Variants in H2AC11 observed in about 807,000 individuals in gnomAD.
The protein encoded by H2AC11 is H2A clustered histone 11.
Under a neutral mutation model 5.9 loss-of-function variants are expected in H2AC11, and 8 were observed. The ratio of observed to expected loss-of-function variants is 1.35; its 90% CI spans 0.79 to 2.44. The LOEUF (loss-of-function observed/expected upper bound fraction) is 2.44. Ranked by LOEUF, H2AC11 falls within the 30% of genes most tolerant of loss-of-function variation. The pLI, the probability that H2AC11 is intolerant of heterozygous loss-of-function variation, is 0.00. For missense variants in H2AC11, 189 were observed against 178.6 expected (o/e 1.06, Z -0.33); for synonymous variants, 161 against 81.9 (o/e 1.96, Z -5.21).
Position 27,133,162 on chromosome 6 carries a change from G to C in H2AC11, c.91G>C (p.Val31Leu), listed in dbSNP as rs1759878745. The change falls in exon 1 of 1, where the codon GTG becomes CTG. Residue 31 changes from valine to leucine, a missense_variant. By Grantham distance (32) the Val-to-Leu change is conservative. Transcript: ENST00000359193. ...RAGLQFPVGR[V>L]HRLLRKGNYA... ...CGGTCTCCAGTTCCCCGTGGGCCGA[G>C]TGCACCGCCTGCTCCGCAAAGGCAA... 1 of 1,614,082 alleles carries C rather than the reference G, an allele frequency of 6.2e-7. No homozygotes were observed.
At position 27,133,199 on chromosome 6, in the gene H2AC11, G is replaced by T; in HGVS notation, c.128G>T (p.Arg43Leu). Residue 43 changes from arginine to leucine, a missense_variant, in exon 1 of 1, where the codon CGG (arginine) becomes CTG (leucine). Coordinates refer to ENST00000359193, the MANE Select transcript of H2AC11 (RefSeq NM_021064.5). ...RLLRKGNYAE[R>L]VGAGAPVYLA... ...CTCCGCAAAGGCAACTATGCCGAGC[G>T]GGTCGGGGCCGGCGCGCCGGTGTAT... The T allele has an allele frequency of 6.2e-7, 1 of 1,614,046 alleles. No homozygotes were observed. The highest frequency in any genetic ancestry group is 8.5e-7 in the Non-Finnish European group (1 of 1,179,984).
rs750708445 is a variant in H2AC11, at chr6:27,133,389, C to G, written c.318C>G (p.Gly106=). ...TGGGCAAAGTCACCATCGCACAGGG[C>G]GGTGTCCTGCCCAACATTCAGGCCG... ...KLLGKVTIAQ[G]GVLPNIQAVL... The change falls in exon 1 of 1, where the codon GGC becomes GGG. Residue 106 remains glycine (G), a synonymous_variant. Transcript: ENST00000359193. 1 of 1,614,100 alleles carries G rather than the reference C, an allele frequency of 6.2e-7. No homozygotes were observed. Among genetic ancestry groups the G allele is most frequent in the Non-Finnish European group, 8.5e-7 (1 of 1,180,048 alleles).
rs746158543 is a variant in H2AC11 at position 27,133,482 on chromosome 6, T to C, written c.*18T>C. On this transcript the variant is annotated 3_prime_UTR_variant, in exon 1 of 1. Coordinates refer to ENST00000359193, the MANE Select transcript of H2AC11 (RefSeq NM_021064.5). ...GCAAGTAACTATCTGTACTAGTTTG[T>C]GGCAGCTCAAGTAAAATCGAGTCCA... 6 of 1,603,372 alleles carry C rather than the reference T, an allele frequency of 3.7e-6. No individual in the cohort carries two copies. The highest frequency in any genetic ancestry group is 5.1e-6 in the Non-Finnish European group (6 of 1,172,426).
At position 27,133,474 on chromosome 6, in the gene H2AC11, C is replaced by G. The variant is rs145653853; in HGVS notation, c.*10C>G. On this transcript the variant is annotated 3_prime_UTR_variant, in exon 1 of 1. Coordinates refer to ENST00000359193, the MANE Select transcript of H2AC11 (RefSeq NM_021064.5). ...GGCGAAGGGCAAGTAACTATCTGTA[C>G]TAGTTTGTGGCAGCTCAAGTAAAAT... 131 of 1,608,776 alleles carry G rather than the reference C, an allele frequency of 8.1e-5. No homozygotes were observed. In the South Asian group the frequency reaches 1.2e-3, roughly 15 times the overall value.
In H2AC11 at chr6:27,133,049, G is replaced by A. The variant is rs752434661; in HGVS notation, c.-23G>A. On this transcript the variant is annotated 5_prime_UTR_variant, in exon 1 of 1. Coordinates refer to ENST00000359193, the MANE Select transcript of H2AC11 (RefSeq NM_021064.5). ...CGCCTTTCCCGTTCACTTTGTGGTT[G>A]CTCGTAGTGAGTTGCGCTCGCTATG... The A allele has an allele frequency of 3.2e-6, 5 of 1,585,996 alleles. No individual in the cohort carries two copies. Among genetic ancestry groups the A allele is most frequent in the African/African-American group, 1.4e-5 (1 of 73,910 alleles).
Position 27,133,154 on chromosome 6 carries a change from T to C in H2AC11, c.83T>C (p.Val28Ala). The C allele has an allele frequency of 6.2e-7, 1 of 1,614,044 alleles. No individual in the cohort carries two copies. The change falls in exon 1 of 1, where the codon GTG (valine) becomes GCG (alanine). Residue 28 changes from valine (V) to alanine (A), a missense_variant. Transcript: ENST00000359193. ...RSSRAGLQFPVGRVHRLLRKG... is the reference protein window; with the variant it reads ...RSSRAGLQFPAGRVHRLLRKG... ...TCTAGGGCCGGTCTCCAGTTCCCCG[T>C]GGGCCGAGTGCACCGCCTGCTCCGC...
rs752222802 is a variant in H2AC11, at chr6:27,133,505, C to G, written c.*41C>G. ...TGTGGCAGCTCAAGTAAAATCGAGT[C>G]CAAACCAACGGCTCTTTTCAGGGCC... On this transcript the variant is annotated 3_prime_UTR_variant, in exon 1 of 1. Transcript: ENST00000359193. The G allele has an allele frequency of 1.3e-6, 2 of 1,591,244 alleles. No homozygotes were observed. The highest frequency in any genetic ancestry group is 1.1e-5 in the South Asian group (1 of 88,844).
chr6:27,133,170 C>G lies in H2AC11; in HGVS notation c.99C>G (p.Arg33=), dbSNP rs781303740. The change falls in exon 1 of 1, where the codon CGC becomes CGG. Residue 33 remains arginine (R), a synonymous_variant. Transcript: ENST00000359193. ...AGTTCCCCGTGGGCCGAGTGCACCG[C>G]CTGCTCCGCAAAGGCAACTATGCCG... ...GLQFPVGRVH[R]LLRKGNYAER... The G allele has an allele frequency of 6.2e-7, 1 of 1,613,974 alleles. No individual in the cohort carries two copies. Among genetic ancestry groups the G allele is most frequent in the Non-Finnish European group, 8.5e-7 (1 of 1,180,012 alleles).
In H2AC11 at chr6:27,133,504, T is replaced by A; in HGVS notation, c.*40T>A. 6.3e-7 allele frequency: 1 copy of A among 1,591,670 alleles called. No individual in the cohort carries two copies. Among genetic ancestry groups the A allele is most frequent in the Non-Finnish European group, 8.6e-7 (1 of 1,166,146 alleles). ...TTGTGGCAGCTCAAGTAAAATCGAG[T>A]CCAAACCAACGGCTCTTTTCAGGGC... On this transcript the variant is annotated 3_prime_UTR_variant, in exon 1 of 1. Coordinates refer to ENST00000359193, the MANE Select transcript of H2AC11 (RefSeq NM_021064.5).
rs373341474 is a variant in H2AC11 at position 27,133,103 on chromosome 6, C to T, written c.32C>T (p.Ala11Val). The change falls in exon 1 of 1, where the codon GCC becomes GTC. Residue 11 changes from alanine (A) to valine (V), a missense_variant. Transcript: ENST00000359193. MSGRGKQGGK[A>V]RAKAKTRSSR... ...GGACGTGGCAAGCAGGGAGGCAAAG[C>T]CCGCGCTAAGGCCAAGACTCGCTCT... The T allele has an allele frequency of 5.6e-6, 9 of 1,613,208 alleles. No individual in the cohort carries two copies. Among genetic ancestry groups the T allele is most frequent in the South Asian group, 2.2e-5 (2 of 91,008 alleles).
In H2AC11 at chr6:27,133,202, T is replaced by A; in HGVS notation, c.131T>A (p.Val44Asp). The A allele has an allele frequency of 6.2e-7, 1 of 1,613,284 alleles. No homozygotes were observed. Among genetic ancestry groups the A allele is most frequent in the Non-Finnish European group, 8.5e-7 (1 of 1,179,824 alleles). The change falls in exon 1 of 1, where the codon GTC becomes GAC. Residue 44 changes from valine (V) to aspartate (D), a missense_variant. Physicochemically the swap from Val to Asp is radical, Grantham distance 152. Coordinates refer to ENST00000359193, the MANE Select transcript of H2AC11 (RefSeq NM_021064.5). ...CGCAAAGGCAACTATGCCGAGCGGGTCGGGGCCGGCGCGCCGGTGTATCTG... is the reference window on the plus strand; with the variant it reads ...CGCAAAGGCAACTATGCCGAGCGGGACGGGGCCGGCGCGCCGGTGTATCTG... ...LLRKGNYAERVGAGAPVYLAA... is the reference protein window; with the variant it reads ...LLRKGNYAERDGAGAPVYLAA...
rs767488773 is a variant in H2AC11 at position 27,133,102 on chromosome 6, G to A, written c.31G>A (p.Ala11Thr). The stretch of plus-strand genomic sequence containing the variant: ...TGGACGTGGCAAGCAGGGAGGCAAA[G>A]CCCGCGCTAAGGCCAAGACTCGCTC... MSGRGKQGGK[A>T]RAKAKTRSSR... Residue 11 changes from alanine to threonine, a missense_variant, in exon 1 of 1, where the codon GCC becomes ACC. Physicochemically the swap from Ala to Thr is moderately conservative, Grantham distance 58. Transcript: ENST00000359193. The A allele has an allele frequency of 1.6e-5, 26 of 1,613,306 alleles. No individual in the cohort carries two copies. Among genetic ancestry groups the A allele is most frequent in the Admixed American group, 3.3e-5 (2 of 59,960 alleles).
Position 27,133,370 on chromosome 6 carries a change from AAG to A in H2AC11, c.300_301del (p.Lys100AsnfsTer22). 1 of 1,614,244 alleles carries A rather than the reference AAG, an allele frequency of 6.2e-7. No homozygotes were observed. The highest frequency in any genetic ancestry group is 8.5e-7 in the Non-Finnish European group (1 of 1,180,050). On this transcript the variant is annotated frameshift_variant, in exon 1 of 1. Transcript: ENST00000359193. LOFTEE classifies it high-confidence loss of function. Reference sequence around the variant, plus strand: ...GAGGAGCTCAACAAGCTGCTGGGCAAAGTCACCATCGCACAGGGCGGTGTCCT... The same window carrying A: ...GAGGAGCTCAACAAGCTGCTGGGCAATCACCATCGCACAGGGCGGTGTCCT...
At position 27,133,497 on chromosome 6, in the gene H2AC11, A is replaced by G; in HGVS notation, c.*33A>G. On this transcript the variant is annotated 3_prime_UTR_variant, in exon 1 of 1. Coordinates refer to ENST00000359193, the MANE Select transcript of H2AC11 (RefSeq NM_021064.5). Reference sequence around the variant, plus strand: ...TACTAGTTTGTGGCAGCTCAAGTAAAATCGAGTCCAAACCAACGGCTCTTT... The same window carrying G: ...TACTAGTTTGTGGCAGCTCAAGTAAGATCGAGTCCAAACCAACGGCTCTTT... 6.3e-7 allele frequency: 1 copy of G among 1,596,352 alleles called. No homozygotes were observed. Among genetic ancestry groups the G allele is most frequent in the Non-Finnish European group, 8.6e-7 (1 of 1,168,452 alleles).
At position 27,133,190 on chromosome 6, in the gene H2AC11, A is replaced by G; in HGVS notation, c.119A>G (p.Tyr40Cys). ...RVHRLLRKGN[Y>C]AERVGAGAPV... Reference sequence around the variant, plus strand: ...CACCGCCTGCTCCGCAAAGGCAACTATGCCGAGCGGGTCGGGGCCGGCGCG... The same window carrying G: ...CACCGCCTGCTCCGCAAAGGCAACTGTGCCGAGCGGGTCGGGGCCGGCGCG... The change falls in exon 1 of 1, where the codon TAT (tyrosine) becomes TGT (cysteine). Residue 40 changes from tyrosine (Y) to cysteine (C), a missense_variant. Physicochemically the swap from Tyr to Cys is radical, Grantham distance 194 (BLOSUM62 -2). Transcript: ENST00000359193. 1 of 1,614,034 alleles carries G rather than the reference A, an allele frequency of 6.2e-7. No homozygotes were observed. Among genetic ancestry groups the G allele is most frequent in the Non-Finnish European group, 8.5e-7 (1 of 1,179,990 alleles).
In H2AC11 at chr6:27,133,249, A is replaced by G. The variant is rs374586128; in HGVS notation, c.178A>G (p.Thr60Ala). The G allele has an allele frequency of 5.6e-6, 9 of 1,613,958 alleles. No individual in the cohort carries two copies. Among genetic ancestry groups the G allele is most frequent in the Admixed American group, 3.3e-5 (2 of 59,994 alleles). ...TCTGGCAGCGGTGCTGGAGTACCTGACCGCCGAGATCCTGGAACTGGCGGG... is the reference window on the plus strand; with the variant it reads ...TCTGGCAGCGGTGCTGGAGTACCTGGCCGCCGAGATCCTGGAACTGGCGGG... The part of the protein sequence containing the change: ...VYLAAVLEYL[T>A]AEILELAGNA... Residue 60 changes from threonine to alanine, a missense_variant, in exon 1 of 1, where the codon ACC (threonine) becomes GCC (alanine). Thr to Ala is a moderately conservative substitution (Grantham distance 58). Transcript: ENST00000359193.
At position 27,133,311 on chromosome 6, in the gene H2AC11, C is replaced by A. The variant is rs768538800; in HGVS notation, c.240C>A (p.Ile80=). The A allele has an allele frequency of 9.3e-6, 15 of 1,614,060 alleles. No individual in the cohort carries two copies. In the East Asian group the frequency reaches 3.3e-4, roughly 36 times the overall value. The part of the protein sequence containing the change: ...AARDNKKTRI[I]PRHLQLAIRN... ...GCGACAACAAGAAGACCCGCATCAT[C>A]CCGCGTCATCTCCAACTGGCCATCC... Residue 80 remains isoleucine, a synonymous_variant, in exon 1 of 1, where the codon ATC becomes ATA. Transcript: ENST00000359193.
Position 27,133,089 on chromosome 6 carries a change from G to T in H2AC11, c.18G>T (p.Lys6Asn). The change falls in exon 1 of 1, where the codon AAG becomes AAT. Residue 6 changes from lysine (K) to asparagine (N), a missense_variant. Lys to Asn is a moderately conservative substitution (Grantham distance 94). Coordinates refer to ENST00000359193, the MANE Select transcript of H2AC11 (RefSeq NM_021064.5). MSGRG[K>N]QGGKARAKAK... ...CGCTCGCTATGTCTGGACGTGGCAA[G>T]CAGGGAGGCAAAGCCCGCGCTAAGG... The T allele has an allele frequency of 1.2e-6, 2 of 1,612,470 alleles. No homozygotes were observed. Among genetic ancestry groups the T allele is most frequent in the Non-Finnish European group, 1.7e-6 (2 of 1,178,974 alleles).
Position 27,133,060 on chromosome 6 carries a change from GTTGCGC to G in H2AC11, c.-10_-5del, listed in dbSNP as rs780162813. 6.2e-7 allele frequency: 1 copy of G among 1,602,018 alleles called. No homozygotes were observed. Among genetic ancestry groups the G allele is most frequent in the Non-Finnish European group, 8.5e-7 (1 of 1,173,282 alleles). ...TTCACTTTGTGGTTGCTCGTAGTGA[GTTGCGC>G]TCGCTATGTCTGGACGTGGCAAGCA... On this transcript the variant is annotated 5_prime_UTR_variant, in exon 1 of 1. Coordinates refer to ENST00000359193, the MANE Select transcript of H2AC11 (RefSeq NM_021064.5).
Sources: gnomAD v4.1 joint callset for allele counts on GRCh38, gnomAD v4.1.1 for gene constraint, MANE v1.5 for transcripts, NCBI Gene and HGNC (gene_info 2026-07-23, HGNC 2026-07-21) for gene names.